ASCC3: variants seen among roughly 807,000 people sequenced by gnomAD.
ASCC3 encodes activating signal cointegrator 1 complex subunit 3, also known as ASC-1 complex subunit P200.
In ASCC3, 158 loss-of-function variants were observed where a neutral mutation model predicts 256.3. The ratio of observed to expected loss-of-function variants is 0.62; its 90% CI spans 0.54 to 0.70. ASCC3 has a LOEUF of 0.70. Among genes scored for constraint, ASCC3 ranks in the 30% least tolerant of loss-of-function variants. The pLI is 0.00. For missense variants in ASCC3, 2,259 were observed against 2,626.0 expected (o/e 0.86, Z 3.05); for synonymous variants, 948 against 883.4 (o/e 1.07, Z -1.30).
Position 100,631,183 on chromosome 6 carries a change from C to A in ASCC3, c.4153G>T (p.Val1385Leu). ...TTCCAATCATCCATTCTTTCACGTA[C>A]TAGGGCTTTTAGGGGTGCAATATAT... ...AVYIAPLKALVRERMDDWKVR... is the reference protein window; with the variant it reads ...AVYIAPLKALLRERMDDWKVR... The change falls in exon 26 of 42, where the codon GTA (valine) becomes TTA (leucine). Residue 1385 changes from valine (V) to leucine (L), a missense_variant. By Grantham distance (32) the Val-to-Leu change is conservative. This residue lies in a region of ASCC3 where 1,839 missense variants were observed against 2,206.7 expected (regional missense o/e 0.83). Transcript: ENST00000369162. The A allele has an allele frequency of 6.2e-7, 1 of 1,612,520 alleles. No individual in the cohort carries two copies. Among genetic ancestry groups the A allele is most frequent in the Non-Finnish European group, 8.5e-7 (1 of 1,179,078 alleles).
In ASCC3 at chr6:100,662,166, G is replaced by T. The variant is rs114831312; in HGVS notation, c.2479-136C>A. 4.5e-6 allele frequency: 5 copies of T among 1,110,020 alleles called. No homozygotes were observed. In the African/African-American group the frequency reaches 6.4e-5, roughly 14 times the overall value. The allele number at this position is 1,110,020 out of a possible 1,614,324, so 68.8% of individuals were successfully genotyped here. A position where few individuals can be genotyped will look rare whatever the true frequency, so the allele number is the denominator to read the frequency against. ...ACTAATCCTTTCATCATCTGTGATA[G>T]AGTAAAATTTTCACAATATAAACTA... On this transcript the variant is annotated intron_variant, in intron 15 of 41. Coordinates refer to ENST00000369162, the MANE Select transcript of ASCC3 (RefSeq NM_006828.4).
intron 4 of ASCC3, among the ~76,000 whole-genome samples, chr6:100,813,601 T>C (rs1282578022): frequency 6.6e-6 from 1 of 152,126 alleles, no homozygotes; most frequent in Non-Finnish European, 1.5e-5. Flanking sequence ...ACAAATTACT[T>C]TACCCATTAT....
At chr6:100,613,917 G>C (rs1267148972) in intron 30 of ASCC3, among the ~76,000 whole-genome samples, 1 of 152,002 alleles carries the variant, frequency 6.6e-6, no homozygotes, top group Non-Finnish European at 1.5e-5. Context: ...GTAATGGTGA[G>C]CATTTTTTCA....
intron 11 of ASCC3, among the ~76,000 whole-genome samples, chr6:100,719,171 C>T (rs1779211767): frequency 6.6e-6 from 1 of 151,736 alleles, no homozygotes; most frequent in Admixed American, 6.6e-5. Flanking sequence ...AGGGAGGGAT[C>T]AAAAAAGTAG....
intron 14 of ASCC3, among the ~76,000 whole-genome samples, chr6:100,676,223 T>C (rs1272499690): frequency 2.0e-5 from 3 of 152,204 alleles, no homozygotes; most frequent in African/African-American, 7.2e-5. Context: ...AATAGATTTC[T>C]ATGACAGGTG....
chr6:100,879,168 A>G (rs1248370570), intron 1 of ASCC3, among the ~76,000 whole-genome samples: 4 of 152,222 alleles, frequency 2.6e-5, no homozygotes, highest in African/African-American at 9.6e-5. Flanking sequence ...AGGGTAATTT[A>G]TAAGGGAAGG....
At chr6:100,659,388 T>C (rs1458015464) in intron 16 of ASCC3, among the ~76,000 whole-genome samples, 1 of 151,498 alleles carries the variant, frequency 6.6e-6, no homozygotes, top group African/African-American at 2.4e-5. Flanking sequence ...TTTATTTTAA[T>C]AGGGAACTAT....
chr6:100,818,582 A>AG (rs1250965552), intron 4 of ASCC3, among the ~76,000 whole-genome samples: 15 of 150,114 alleles, frequency 1.0e-4, no homozygotes, highest in African/African-American at 1.9e-4. Context: ...AAAAAAAAAA[A>AG]AAGAAGAAGA....
intron 4 of ASCC3, among the ~76,000 whole-genome samples, chr6:100,831,324 T>TAA (rs201555489): frequency 9.2e-5 from 13 of 141,082 alleles, no homozygotes; most frequent in South Asian, 2.2e-4. Flanking sequence ...CTCTTCTGGT[T>TAA]AAAAAAAAAA....
chr6:100,686,167 T>C (rs560402071), intron 13 of ASCC3, among the ~76,000 whole-genome samples: 4 of 152,330 alleles, frequency 2.6e-5, no homozygotes, highest in African/African-American at 9.6e-5. Context: ...ATGGGGTTGT[T>C]GTGAGAAATG....
At chr6:100,838,901 A>C (rs1481606334) in intron 4 of ASCC3, among the ~76,000 whole-genome samples, 2 of 152,098 alleles carry the variant, frequency 1.3e-5, no homozygotes, top group African/African-American at 4.8e-5. Context: ...TTTATGTATT[A>C]AATCTTAAAT....
intron 2 of ASCC3, among the ~76,000 whole-genome samples, chr6:100,866,154 G>C (rs944467169): frequency 6.6e-6 from 1 of 152,032 alleles, no homozygotes; most frequent in Non-Finnish European, 1.5e-5. Context: ...ACTTTTAGTA[G>C]AGATGGGGTT....
rs183785184 is a variant in ASCC3 at position 100,510,369 on chromosome 6, A to T, written c.6286-262T>A. On this transcript the variant is annotated intron_variant, in intron 40 of 41. Transcript: ENST00000369162. The stretch of plus-strand genomic sequence containing the variant: ...TCAGAATATATGGCCAGTTAGAATA[A>T]AAAACTCTGGATCTTGACATCAAAT... 349 of 406,626 alleles carry T rather than the reference A, an allele frequency of 8.6e-4. 1 individual carries two copies. Among genetic ancestry groups the T allele is most frequent in the Non-Finnish European group, 1.0e-3 (229 of 226,342 alleles). The allele number at this position is 406,626 out of a possible 1,614,324, so 25.2% of individuals were successfully genotyped here.
chr6:100,854,747 C>T (rs1772856366), intron 3 of ASCC3, among the ~76,000 whole-genome samples: 1 of 152,078 alleles, frequency 6.6e-6, no homozygotes, highest in African/African-American at 2.4e-5. Flanking sequence ...AACCAAATAG[C>T]TAACATAAAA....
At chr6:100,642,779 T>C in intron 23 of ASCC3, 30 bp from the exon 24 acceptor site, 2 of 1,574,534 alleles carry the variant, frequency 1.3e-6, no homozygotes, top group Non-Finnish European at 8.7e-7. Context: ...AAAATAAATA[T>C]GGATATTCTA....
intron 34 of ASCC3, among the ~76,000 whole-genome samples, chr6:100,597,815 A>C (rs1772379970): frequency 6.8e-6 from 1 of 147,840 alleles, no homozygotes; most frequent in African/African-American, 2.5e-5. Context: ...TACTGAAAAA[A>C]AAAAAAAAAT....
intron 4 of ASCC3, among the ~76,000 whole-genome samples, chr6:100,815,181 TA>T (rs1770680014): frequency 6.6e-6 from 1 of 151,622 alleles, no homozygotes; most frequent in Non-Finnish European, 1.5e-5. Context: ...GTCAGAAAAA[TA>T]AAATATCTAG....
chr6:100,542,689 T>C (rs987225596), intron 36 of ASCC3, among the ~76,000 whole-genome samples: 1 of 150,424 alleles, frequency 6.6e-6, no homozygotes. Context: ...AAAAAAAAAA[T>C]AATAATAAAA....
chr6:100,573,917 G>A (rs1770726867), intron 36 of ASCC3, among the ~76,000 whole-genome samples: 4 of 152,054 alleles, frequency 2.6e-5, no homozygotes, highest in Admixed American at 6.6e-5. Context: ...TATATGCCCC[G>A]GGGAGCTTGG....
Sources: gnomAD v4.1 joint callset for allele counts (sites outside exome capture counted in the v4.1 genomes callset) on GRCh38, gnomAD v4.1.1 for gene constraint, gnomAD v4.1.1 regional missense constraint, MANE v1.5 for transcripts, NCBI Gene and HGNC (gene_info 2026-07-23, HGNC 2026-07-21) for gene names.